Variants in ZNF28 observed in about 807,000 individuals in gnomAD.
ZNF28 encodes the protein zinc finger protein 28, also known as zinc finger protein KOX24.
In ZNF28, 5 loss-of-function variants were observed where a neutral mutation model predicts 7.2. That is an observed-to-expected ratio of 0.70 (90% confidence interval 0.36 to 1.46). The LOEUF (loss-of-function observed/expected upper bound fraction) is 1.46. Among genes scored for constraint, ZNF28 ranks in the 40% most tolerant of loss-of-function variants. The pLI, the probability that ZNF28 is intolerant of heterozygous loss-of-function variation, is 0.03. For missense variants in ZNF28, 879 were observed against 866.6 expected (o/e 1.01, Z -0.18); for synonymous variants, 288 against 292.4 (o/e 0.99, Z 0.15).
In ZNF28 at chr19:52,801,262, T is replaced by C. The variant is rs774583529; in HGVS notation, c.583A>G (p.Asn195Asp). 6.2e-6 allele frequency: 10 copies of C among 1,614,054 alleles called. No homozygotes were observed. The highest frequency in any genetic ancestry group is 1.7e-5 in the Admixed American group (1 of 59,994). ...KTHISNKYGN[N>D]SLHSSLLTQK... ...GTGAGTAATGAAGAATGGAGGGAAT[T>C]ATTTCCATACTTATTAGAAATATGG... The change falls in exon 4 of 4, where the codon AAT becomes GAT. Residue 195 changes from asparagine (N) to aspartate (D), a missense_variant. Asn to Asp is a conservative substitution (Grantham distance 23). Coordinates refer to ENST00000457749, the MANE Select transcript of ZNF28 (RefSeq NM_006969.5).
chr19:52,801,684 A>T lies in ZNF28; in HGVS notation c.161T>A (p.Met54Lys). 1.2e-6 allele frequency: 2 copies of T among 1,611,572 alleles called. No individual in the cohort carries two copies. The highest frequency in any genetic ancestry group is 1.7e-6 in the Non-Finnish European group (2 of 1,178,982). Residue 54 changes from methionine (M) to lysine (K), a missense_variant, in exon 4 of 4, where the codon ATG becomes AAG. Around this residue, in one of 2 missense-constraint regions of ZNF28, gnomAD observed 864 missense variants for 830.2 expected, o/e 1.04. Coordinates refer to ENST00000457749, the MANE Select transcript of ZNF28 (RefSeq NM_006969.5). ...LVSLDISSKC[M>K]MKTFFSTGQG... is the part of the protein sequence containing the mutation. ...CCCTGTTGAGAAGAATGTCTTCATC[A>T]TGCATTTGGAAGAGATATCTACAAA...
intron 1 of ZNF28, among the ~76,000 whole-genome samples, chr19:52,821,083 C>A (rs963095250): frequency 3.3e-5 from 5 of 151,932 alleles, no homozygotes; most frequent in Non-Finnish European, 7.4e-5. Context: ...GCGGTGACTG[C>A]GGAGGGGAGA....
At chr19:52,803,452 C>T (rs1201293081) in intron 3 of ZNF28, among the ~76,000 whole-genome samples, 2 of 151,998 alleles carry the variant, frequency 1.3e-5, no homozygotes, top group Admixed American at 1.3e-4. Context: ...CATATAAAGT[C>T]ATAAAAATCA....
chr19:52,821,279 C>G (rs1320153161), intron 1 of ZNF28, among the ~76,000 whole-genome samples: 1 of 152,086 alleles, frequency 6.6e-6, no homozygotes, highest in East Asian at 1.9e-4. Context: ...GGGAATACAC[C>G]TCTAGGGTGA....
At chr19:52,820,892 GCTCT>G (rs1248715403) in intron 1 of ZNF28, among the ~76,000 whole-genome samples, 1 of 151,828 alleles carries the variant, frequency 6.6e-6, no homozygotes, top group Non-Finnish European at 1.5e-5. Flanking sequence ...GTTTTCTACT[GCTCT>G]CTTAGTCCCT....
Position 52,798,454 on chromosome 19 carries a change from G to T in ZNF28, c.*1234C>A. 1 of 443,432 alleles carries T rather than the reference G, an allele frequency of 2.3e-6. No individual in the cohort carries two copies. Among genetic ancestry groups the T allele is most frequent in the South Asian group, 1.8e-5 (1 of 56,300 alleles). 27.5% of individuals were successfully genotyped at this position (443,432 alleles called of 1,614,324 possible). On this transcript the variant is annotated 3_prime_UTR_variant, in exon 4 of 4. Transcript: ENST00000457749. ...CATTTGAAACAACTGTCTCCAAAAG[G>T]AATTGTCTGATGGTCTGCAAGGAGT...
chr19:52,821,394 C>T (rs1600493089), intron 1 of ZNF28, among the ~76,000 whole-genome samples, 192 bp downstream of exon 1: 1 of 152,046 alleles, frequency 6.6e-6, no homozygotes, highest in Non-Finnish European at 1.5e-5. Flanking sequence ...AGACCCGGGA[C>T]GGGACCAGCC....
chr19:52,810,793 A>T (rs1374940167), intron 2 of ZNF28: 2 of 470,628 alleles, frequency 4.2e-6, no homozygotes, highest in East Asian at 7.1e-5. Context: ...AAAAAACAGA[A>T]GATGACCTTG....
At chr19:52,809,202 A>G (rs1343463523) in intron 2 of ZNF28, among the ~76,000 whole-genome samples, 2 of 152,180 alleles carry the variant, frequency 1.3e-5, no homozygotes, top group Admixed American at 6.5e-5. Context: ...AGAAGAAGCA[A>G]TCACCCTTTC....
At chr19:52,817,352 A>G (rs911891778) in intron 2 of ZNF28, among the ~76,000 whole-genome samples, 1 of 152,186 alleles carries the variant, frequency 6.6e-6, no homozygotes, top group Non-Finnish European at 1.5e-5. Context: ...AGCCTGGATA[A>G]CAAGAGTGAA....
rs2062842099 is a variant in ZNF28, at chr19:52,800,030, T to C, written c.1815A>G (p.Lys605=). 1 of 1,614,156 alleles carries C rather than the reference T, an allele frequency of 6.2e-7. No homozygotes were observed. The highest frequency in any genetic ancestry group is 1.3e-5 in the African/African-American group (1 of 75,054). The change falls in exon 4 of 4, where the codon AAA becomes AAG. Residue 605 remains lysine, a synonymous_variant. Coordinates refer to ENST00000457749, the MANE Select transcript of ZNF28 (RefSeq NM_006969.5). ...AQHQRVHTGE[K]PYKCNECGKT... ...TGCCACACTCATTACACTTGTAAGGTTTCTCTCCAGTATGAACTCTCTGAT... is the reference window on the plus strand; with the variant it reads ...TGCCACACTCATTACACTTGTAAGGCTTCTCTCCAGTATGAACTCTCTGAT...
chr19:52,806,901 TAA>T (rs527315266), intron 3 of ZNF28, among the ~76,000 whole-genome samples: 1 of 151,870 alleles, frequency 6.6e-6, no homozygotes, highest in Non-Finnish European at 1.5e-5. Context: ...GACTCTGTCA[TAA>T]AAAAAGAGAG....
intron 3 of ZNF28, among the ~76,000 whole-genome samples, chr19:52,804,318 T>G (rs1331407185): frequency 6.6e-6 from 1 of 152,188 alleles, no homozygotes; most frequent in African/African-American, 2.4e-5. Flanking sequence ...GTTTTTGAGA[T>G]GGAGTCATGC....
rs76929601 is a variant in ZNF28 at position 52,801,338 on chromosome 19, G to T, written c.507C>A (p.Asn169Lys). The T allele has an allele frequency of 3.0e-3, 4,809 of 1,614,124 alleles. 140 individuals carry two copies. In the African/African-American group the frequency reaches 0.057, roughly 19 times the overall value. ...GGGATGTTGAAACTGAGGAAGCATT[G>T]TTGATAGACTTCTCAACTTGATTAC... ...KIGNQVEKSINNASSVSTSQR... is the reference protein window; with the variant it reads ...KIGNQVEKSIKNASSVSTSQR... Residue 169 changes from asparagine (N) to lysine (K), a missense_variant, in exon 4 of 4, where the codon AAC (asparagine) becomes AAA (lysine). Transcript: ENST00000457749.
At chr19:52,819,200 A>G (rs1455520870) in intron 1 of ZNF28, among the ~76,000 whole-genome samples, 1 of 136,016 alleles carries the variant, frequency 7.4e-6, no homozygotes, top group African/African-American at 2.9e-5. Flanking sequence ...ACTGGCAGGG[A>G]CCCTGAACAC....
At chr19:52,817,825 G>A in intron 2 of ZNF28, 119 bp downstream of exon 2, 2 of 1,563,328 alleles carry the variant, frequency 1.3e-6, no homozygotes, top group Non-Finnish European at 1.7e-6. Flanking sequence ...GAAGGCATGG[G>A]TGAGGGTGAG....
Position 52,801,135 on chromosome 19 carries a change from TG to T in ZNF28, c.709del (p.His237ThrfsTer2). The T allele has an allele frequency of 6.2e-7, 1 of 1,614,098 alleles. No individual in the cohort carries two copies. ...ACATTTACATTGTTTCTCTTCTAAG[TG>T]GGTTATCTGATGTTTTTTTAAAAGT... ...SSLLKKHQITHLEEKQCKCDV... is the reference protein window; with the variant it reads ...SSLLKKHQITXLEEKQCKCDV... On this transcript the variant is annotated frameshift_variant, in exon 4 of 4. Transcript: ENST00000457749. LOFTEE classifies it low-confidence loss of function (END_TRUNC).
intron 1 of ZNF28, among the ~76,000 whole-genome samples, chr19:52,821,185 C>G (rs1490610251): frequency 6.6e-6 from 1 of 151,518 alleles, no homozygotes; most frequent in African/African-American, 2.4e-5. Flanking sequence ...ATCCCAGGAC[C>G]ACAGAACGCA....
intron 2 of ZNF28, among the ~76,000 whole-genome samples, chr19:52,815,537 AT>A (rs1327027716): frequency 6.9e-6 from 1 of 144,990 alleles, no homozygotes; most frequent in African/African-American, 2.7e-5. Context: ...AATAAAAAAA[AT>A]AACTGTCTGG....
Sources: gnomAD v4.1 joint callset for allele counts (sites outside exome capture counted in the v4.1 genomes callset) on GRCh38, gnomAD v4.1.1 for gene constraint, gnomAD v4.1.1 regional missense constraint, MANE v1.5 for transcripts, NCBI Gene and HGNC (gene_info 2026-07-23, HGNC 2026-07-21) for gene names.